Variants in XKR9 observed in about 807,000 individuals in gnomAD.
XKR9 encodes XK related 9.
A neutral mutation model predicts 32.0 loss-of-function variants in XKR9; 32 were observed. That is an observed-to-expected ratio of 1.00 (90% CI 0.76 to 1.34). The LOEUF (loss-of-function observed/expected upper bound fraction) is 1.34, where lower values mean the gene tolerates loss of function less well. Ranked by LOEUF, XKR9 falls within the 40% of genes most tolerant of loss-of-function variation. The pLI, the probability that XKR9 is intolerant of heterozygous loss-of-function variation, is 0.00. For missense variants in XKR9, 546 were observed against 429.7 expected (o/e 1.27, Z -2.39); for synonymous variants, 168 against 143.4 (o/e 1.17, Z -1.22).
At chr8:70,843,661 G>A in the XKR9 span, among the ~76,000 whole-genome samples, 2 of 152,198 alleles carry the variant, frequency 1.3e-5, no homozygotes, top group Non-Finnish European at 2.9e-5. Context: ...TGTGGGGAAA[G>A]AGTAAGTGAA....
chr8:70,730,528 G>T (rs1324107173), intron 4 of XKR9, among the ~76,000 whole-genome samples: 1 of 151,850 alleles, frequency 6.6e-6, no homozygotes, highest in Non-Finnish European at 1.5e-5. Flanking sequence ...TTTAACTAAG[G>T]TTATAAGTTA....
At chr8:70,897,882 C>A in the XKR9 span, among the ~76,000 whole-genome samples, 2 of 152,038 alleles carry the variant, frequency 1.3e-5, no homozygotes, top group Admixed American at 6.6e-5. Context: ...TGATGTGATA[C>A]CATTTTGCTT....
chr8:70,895,839 GA>G, the XKR9 span, among the ~76,000 whole-genome samples: 5 of 135,658 alleles, frequency 3.7e-5, no homozygotes, highest in African/African-American at 8.2e-5. Context: ...AAAAAAAAAA[GA>G]AAAAAAAATT....
the XKR9 span, among the ~76,000 whole-genome samples, chr8:70,861,701 G>A: frequency 6.6e-6 from 1 of 152,088 alleles, no homozygotes. Flanking sequence ...TGAGAATTCA[G>A]TAAGTTAATA....
chr8:70,705,458 A>G (rs568752596), intron 3 of XKR9, among the ~76,000 whole-genome samples: 15 of 152,306 alleles, frequency 9.8e-5, no homozygotes, highest in Admixed American at 8.5e-4. Context: ...TAAGTAAGTA[A>G]TATTTGAGTA....
chr8:70,786,899 G>T (rs1807695824), intron 2 of XKR9, among the ~76,000 whole-genome samples: 1 of 152,030 alleles, frequency 6.6e-6, no homozygotes, highest in Non-Finnish European at 1.5e-5. Context: ...GTAGTAGTAT[G>T]CTTTGAATCT....
At chr8:71,020,374 T>C in the XKR9 span, among the ~76,000 whole-genome samples, 1 of 152,172 alleles carries the variant, frequency 6.6e-6, no homozygotes, top group Non-Finnish European at 1.5e-5. Context: ...TTTCCAACAA[T>C]AGCCGTGGTT....
the XKR9 span, among the ~76,000 whole-genome samples, chr8:70,832,181 T>C: frequency 1.3e-5 from 2 of 152,292 alleles, no homozygotes; most frequent in African/African-American, 4.8e-5. Flanking sequence ...AGCTCATTCT[T>C]ATAGAGTATC....
At chr8:70,833,222 C>T in the XKR9 span, among the ~76,000 whole-genome samples, 1,262 of 152,240 alleles carry the variant, frequency 8.3e-3, 9 homozygotes, top group Non-Finnish European at 0.011. Flanking sequence ...TAGTATTTAA[C>T]CAACTTGAGT....
chr8:71,041,162 A>T, the XKR9 span, among the ~76,000 whole-genome samples: 277 of 152,290 alleles, frequency 1.8e-3, 1 homozygote, highest in African/African-American at 6.6e-3. Flanking sequence ...CAAGACAACC[A>T]CTAGATTTTC....
At chr8:70,798,212 C>T in the XKR9 span, among the ~76,000 whole-genome samples, 1 of 151,944 alleles carries the variant, frequency 6.6e-6, no homozygotes, top group East Asian at 1.9e-4. Context: ...ACCTTGCCTA[C>T]ATCTGTTATT....
chr8:70,985,397 A>T, the XKR9 span, among the ~76,000 whole-genome samples: 1 of 152,114 alleles, frequency 6.6e-6, no homozygotes, highest in African/African-American at 2.4e-5. Context: ...CATTTTCTTT[A>T]TCCAGTCTAT....
the XKR9 span, among the ~76,000 whole-genome samples, chr8:71,033,373 A>G: frequency 7.9e-5 from 12 of 152,340 alleles, no homozygotes; most frequent in East Asian, 2.3e-3. Context: ...AGATAGTCCT[A>G]GGAATTCATA....
At chr8:70,827,788 G>C in the XKR9 span, among the ~76,000 whole-genome samples, 15 of 152,064 alleles carry the variant, frequency 9.9e-5, no homozygotes, top group Non-Finnish European at 2.1e-4. Flanking sequence ...TTTTCAAATT[G>C]TTAATATGTA....
At chr8:70,777,667 T>C (rs531775941) in intron 2 of XKR9, among the ~76,000 whole-genome samples, 1 of 152,352 alleles carries the variant, frequency 6.6e-6, no homozygotes, top group African/African-American at 2.4e-5. Flanking sequence ...CATGAGATGG[T>C]ATCTCATTGT....
chr8:70,755,823 A>G (rs889622479), intron 2 of XKR9, among the ~76,000 whole-genome samples: 3 of 151,550 alleles, frequency 2.0e-5, no homozygotes, highest in African/African-American at 4.9e-5. Flanking sequence ...TGACGAGTTA[A>G]TGGGTGCAGC....
chr8:70,901,567 G>A, the XKR9 span, among the ~76,000 whole-genome samples: 1 of 152,136 alleles, frequency 6.6e-6, no homozygotes, highest in East Asian at 1.9e-4. Context: ...TTAGCCCTTT[G>A]TCAGACAGGT....
chr8:71,060,468 G>A, the XKR9 span, among the ~76,000 whole-genome samples: 210 of 152,294 alleles, frequency 1.4e-3, 1 homozygote, highest in African/African-American at 4.9e-3. Context: ...CCCTTGGAAA[G>A]CATTCGCTGA....
At chr8:70,915,902 T>A in the XKR9 span, among the ~76,000 whole-genome samples, 3 of 152,210 alleles carry the variant, frequency 2.0e-5, no homozygotes, top group Non-Finnish European at 4.4e-5. Context: ...CTCCATCCCT[T>A]GTCCAGATCT....
Sources: gnomAD v4.1 joint callset for allele counts (sites outside exome capture counted in the v4.1 genomes callset) on GRCh38, gnomAD v4.1.1 for gene constraint, MANE v1.5 for transcripts, NCBI Gene and HGNC (gene_info 2026-07-23, HGNC 2026-07-21) for gene names.